The following CREB3L1 variants were observed in gnomAD, a reference collection of about 807,000 sequenced individuals.
CREB3L1 encodes cyclic AMP-responsive element-binding protein 3-like protein 1.
In CREB3L1, 33 loss-of-function variants were observed where a neutral mutation model predicts 54.5. The ratio of observed to expected loss-of-function variants is 0.61; its 90% CI spans 0.46 to 0.81. The LOEUF is 0.81. CREB3L1 is among the 30% of genes least tolerant of loss of function. CREB3L1 has a pLI of 0.00. For synonymous variants in CREB3L1, 284 were observed against 286.4 expected, an observed-to-expected ratio of 0.99 and a Z score of 0.08; for missense variants, 656 against 673.3, an observed-to-expected ratio of 0.97 and a Z score of 0.29.
chr11:46,280,280 C>A (rs1938950598), intron 1 of CREB3L1, among the ~76,000 whole-genome samples: 1 of 151,694 alleles, frequency 6.6e-6, no homozygotes, highest in African/African-American at 2.4e-5. Context: ...CTCCGCCTCC[C>A]GGGTTCACGC....
chr11:46,277,926 G>A lies in CREB3L1; in HGVS notation c.-186G>A. On this transcript the variant is annotated 5_prime_UTR_variant, in exon 1 of 12. Transcript: ENST00000621158. ...ATCCCGCTCCTAGCCGCTGCCCTAA[G>A]GCCCCCGCGCGCCCCGCGCCCCCCA... The A allele has an allele frequency of 2.5e-6, 1 of 397,912 alleles. No individual in the cohort carries two copies. Among genetic ancestry groups the A allele is most frequent in the Non-Finnish European group, 4.4e-6 (1 of 226,836 alleles). The allele number at this position is 397,912 out of a possible 1,614,324, so 24.6% of individuals were successfully genotyped here.
intron 2 of CREB3L1, among the ~76,000 whole-genome samples, chr11:46,306,076 G>A (rs1000938384): frequency 2.6e-5 from 4 of 151,802 alleles, no homozygotes; most frequent in South Asian, 2.1e-4. Flanking sequence ...ATAGGGTCTC[G>A]CTCTGTCACC....
At chr11:46,312,768 A>G (rs1590350821) in intron 7 of CREB3L1, 83 bp from the exon 8 acceptor site, 2 of 1,540,560 alleles carry the variant, frequency 1.3e-6, no homozygotes, top group Non-Finnish European at 8.8e-7. Flanking sequence ...GGGCACAGGG[A>G]GTGTGATGGT....
intron 1 of CREB3L1, among the ~76,000 whole-genome samples, chr11:46,294,846 T>C (rs1171546340): frequency 6.6e-6 from 1 of 150,870 alleles, no homozygotes. Context: ...TCAGTGTGTG[T>C]TGGGGTGTGG....
In CREB3L1 at chr11:46,307,837, C is replaced by T. The variant is rs769702533; in HGVS notation, c.353C>T (p.Ala118Val). The change falls in exon 3 of 12, where the codon GCG (alanine) becomes GTG (valine). Residue 118 changes from alanine to valine, a missense_variant. Ala to Val is a moderately conservative substitution (Grantham distance 64, BLOSUM62 0). Coordinates refer to ENST00000621158, the MANE Select transcript of CREB3L1 (RefSeq NM_052854.4). ...CTAGATGCAGAGCATGGAGCATGGG[C>T]GCTGGGACACAAACTGTGCTCCATC... ...TTQDAEHGAW[A>V]LGHKLCSIMV... 3.6e-5 allele frequency: 57 copies of T among 1,578,776 alleles called. No individual in the cohort carries two copies. The African/African-American group carries it at 4.6e-4, about 13-fold the overall frequency.
chr11:46,278,663 TC>T lies in CREB3L1; in HGVS notation c.102+451del, dbSNP rs1288993667. ...TTCAGAGGGCCTGAGACCCGACCCC[TC>T]GGGGAAGCCAGGCCCAGAAATTTCA... On this transcript the variant is annotated intron_variant, in intron 1 of 11. Transcript: ENST00000621158. This position sits in a 1 kb window ranked among gnomAD's most constrained non-coding sequence, Gnocchi z 4.2. Among the ~76,000 whole-genome samples the T allele has an allele frequency of 6.6e-6, 1 of 152,088 alleles. No homozygotes were observed. Among genetic ancestry groups the T allele is most frequent in the Admixed American group, 6.5e-5 (1 of 15,276 alleles).
chr11:46,314,179 A>C (rs1337620028), intron 8 of CREB3L1, among the ~76,000 whole-genome samples: 1 of 151,594 alleles, frequency 6.6e-6, no homozygotes, highest in African/African-American at 2.4e-5. Context: ...CAGAGGTTAC[A>C]GTGAGCTGAG....
chr11:46,280,494 G>C (rs1938953329), intron 1 of CREB3L1, among the ~76,000 whole-genome samples: 1 of 152,110 alleles, frequency 6.6e-6, no homozygotes, highest in South Asian at 2.1e-4. Flanking sequence ...CCGGCCAAAA[G>C]TGACTTTTCT....
In CREB3L1 at chr11:46,320,369, C is replaced by A. The variant is rs756830241; in HGVS notation, c.1364C>A (p.Pro455His). The change falls in exon 11 of 12, where the codon CCC becomes CAC. Residue 455 changes from proline (P) to histidine (H), a missense_variant. Physicochemically the swap from Pro to His is moderately conservative, Grantham distance 77. This residue lies in a region of CREB3L1 where 240 missense variants were observed against 219.8 expected (regional missense o/e 1.09). Transcript: ENST00000621158. ...MEPPDGWEIN[P>H]GGPAEQRPRD... is the part of the protein sequence containing the mutation. ...CCCCCAGATGGCTGGGAAATCAACC[C>A]CGGGGGGCCGGCAGAGCAGCGGCCC... 1 of 1,610,522 alleles carries A rather than the reference C, an allele frequency of 6.2e-7. No individual in the cohort carries two copies. Among genetic ancestry groups the A allele is most frequent in the Non-Finnish European group, 8.5e-7 (1 of 1,178,448 alleles).
intron 2 of CREB3L1, among the ~76,000 whole-genome samples, chr11:46,305,964 C>T (rs1439136505): frequency 1.3e-5 from 2 of 151,844 alleles, no homozygotes; most frequent in Non-Finnish European, 2.9e-5. Context: ...GTCTCGATCT[C>T]CTGACCTCAT....
chr11:46,294,667 A>AGG (rs144071647), intron 1 of CREB3L1, among the ~76,000 whole-genome samples: 4 of 151,790 alleles, frequency 2.6e-5, no homozygotes, highest in African/African-American at 9.7e-5. Context: ...GCTTAAGGAC[A>AGG]GGGGGGTCTG....
At position 46,307,961 on chromosome 11, in the gene CREB3L1, G is replaced by A. The variant is rs1040415161; in HGVS notation, c.477G>A (p.Leu159=). 15 of 1,565,920 alleles carry A rather than the reference G, an allele frequency of 9.6e-6. No individual in the cohort carries two copies. The highest frequency in any genetic ancestry group is 1.3e-5 in the Non-Finnish European group (15 of 1,157,606). The part of the protein sequence containing the change: ...AAAAMATTPL[L]GLSPLSRLPI... ...CCGCCATGGCCACCACCCCGCTGCT[G>A]GGCCTCAGCCCCTTGTCCAGGCTGC... Residue 159 remains leucine, a synonymous_variant, in exon 3 of 12, where the codon CTG becomes CTA. Coordinates refer to ENST00000621158, the MANE Select transcript of CREB3L1 (RefSeq NM_052854.4).
intron 2 of CREB3L1, among the ~76,000 whole-genome samples, chr11:46,300,540 C>A (rs1939281523): frequency 6.6e-6 from 1 of 152,332 alleles, no homozygotes; most frequent in African/African-American, 2.4e-5. Flanking sequence ...GATTTGCAAA[C>A]CGCTGACTTA....
intron 10 of CREB3L1, among the ~76,000 whole-genome samples, chr11:46,319,321 G>A (rs989803450): frequency 1.3e-5 from 2 of 152,216 alleles, no homozygotes; most frequent in African/African-American, 4.8e-5. Flanking sequence ...CCAGGGCCAG[G>A]CAGACCTGGG....
At chr11:46,305,690 ATGTGTGTGTGTGTGTGTG>A (rs764468204) in intron 2 of CREB3L1, among the ~76,000 whole-genome samples, 2 of 111,610 alleles carry the variant, frequency 1.8e-5, no homozygotes, top group African/African-American at 6.7e-5. Context: ...GTGTGTATAT[ATGTGTGTGTGTGTGTGTG>A]TGTGTGTGTG....
At position 46,311,140 on chromosome 11, in the gene CREB3L1, C is replaced by T. The variant is rs1170876624; in HGVS notation, c.704C>T (p.Ala235Val). The change falls in exon 5 of 12, where the codon GCG becomes GTG. Residue 235 changes from alanine (A) to valine (V), a missense_variant. This residue lies in a region of CREB3L1 where 339 missense variants were observed against 331.5 expected (regional missense o/e 1.02). Coordinates refer to ENST00000621158, the MANE Select transcript of CREB3L1 (RefSeq NM_052854.4). ...LPPSSPVRPM[A>V]RSSTAISTSP... ...CCCTCCAGCCCTGTCAGGCCCATGGCGCGCTCCTCCACGGCCATCTCCACC... is the reference window on the plus strand; with the variant it reads ...CCCTCCAGCCCTGTCAGGCCCATGGTGCGCTCCTCCACGGCCATCTCCACC... 23 of 1,604,406 alleles carry T rather than the reference C, an allele frequency of 1.4e-5. No homozygotes were observed. Among genetic ancestry groups the T allele is most frequent in the Admixed American group, 5.0e-5 (3 of 59,678 alleles).
rs187453601 is a variant in CREB3L1, at chr11:46,298,347, C to T, written c.103-1588C>T. On this transcript the variant is annotated intron_variant, in intron 1 of 11. Coordinates refer to ENST00000621158, the MANE Select transcript of CREB3L1 (RefSeq NM_052854.4). Reference sequence around the variant, plus strand: ...GGACCTAAGGCAGCCCCCCATCCCCCATCTCTTCTGACCCACCAGCAAATT... The same window carrying T: ...GGACCTAAGGCAGCCCCCCATCCCCTATCTCTTCTGACCCACCAGCAAATT... 1.2e-3 allele frequency among the ~76,000 whole-genome samples: 186 copies of T among 152,352 alleles called. 1 individual carries two copies. Among genetic ancestry groups the T allele is most frequent in the Middle Eastern group, 3.4e-3 (1 of 294 alleles).
intron 8 of CREB3L1, chr11:46,315,864 C>G (rs1939559292): frequency 5.7e-6 from 1 of 175,982 alleles, no homozygotes; most frequent in East Asian, 1.2e-4. Context: ...CAATAGCTAC[C>G]ATTTACTAGA....
chr11:46,309,913 GGGA>G, intron 3 of CREB3L1, 73 bp from the exon 4 acceptor site: 1 of 1,213,694 alleles, frequency 8.2e-7, no homozygotes, highest in South Asian at 1.3e-5. Context: ...ACCAGCTTTA[GGGA>G]GGAGGTGGGT....
Sources: allele counts gnomAD v4.1 joint callset (sites outside exome capture counted in the v4.1 genomes callset), GRCh38; gene constraint gnomAD v4.1.1; regional missense constraint gnomAD v4.1.1; non-coding constraint Gnocchi (gnomAD v3.1); transcripts MANE v1.5; gene names NCBI Gene and HGNC (gene_info 2026-07-23, HGNC 2026-07-21).